ITGBL1: variants seen among roughly 807,000 people sequenced by gnomAD.
The protein encoded by ITGBL1 is integrin beta-like protein 1.
In ITGBL1, 51 loss-of-function variants were observed where a neutral mutation model predicts 68.5. That is an observed-to-expected ratio of 0.74 (90% CI 0.59 to 0.94). The LOEUF (loss-of-function observed/expected upper bound fraction) is 0.94, where lower values mean the gene tolerates loss of function less well. Among genes scored for constraint, ITGBL1 ranks in the 40% least tolerant of loss-of-function variants. The probability of loss-of-function intolerance (pLI) is 0.00; values close to 1 mark genes in which losing one functional copy is unlikely to be tolerated. For synonymous variants in ITGBL1, 209 were observed against 227.3 expected (o/e 0.92, Z 0.72); for missense variants, 649 against 647.4 (o/e 1.00, Z -0.03).
At position 101,567,750 on chromosome 13, in the gene ITGBL1, G is replaced by C. The variant is rs1168673206; in HGVS notation, c.368G>C (p.Gly123Ala). The C allele has an allele frequency of 4.3e-6, 7 of 1,613,260 alleles. No individual in the cohort carries two copies. Among genetic ancestry groups the C allele is most frequent in the Non-Finnish European group, 5.9e-6 (7 of 1,179,544 alleles). Reference protein sequence around the residue: ...GKCKCDQGWYGDACQYPTNCD... With the variant: ...GKCKCDQGWYADACQYPTNCD... ...TGCAAGTGTGACCAGGGATGGTATG[G>C]GGATGCTTGCCAGTACCCAACTAAC... is the stretch of plus-strand genomic sequence containing the variant. Residue 123 changes from glycine to alanine, a missense_variant, in exon 3 of 11, where the codon GGG (glycine) becomes GCG (alanine). Transcript: ENST00000376180.
At chr13:101,484,638 G>T (rs2048675005) in intron 2 of ITGBL1, among the ~76,000 whole-genome samples, 1 of 152,074 alleles carries the variant, frequency 6.6e-6, no homozygotes, top group African/African-American at 2.4e-5. Context: ...TTTGCTACAT[G>T]AATATGTTGT....
chr13:101,651,271 A>C (rs1231646948), intron 7 of ITGBL1, among the ~76,000 whole-genome samples: 1 of 152,234 alleles, frequency 6.6e-6, no homozygotes, highest in Non-Finnish European at 1.5e-5. Context: ...CCAACAGCGT[A>C]AAAGCATTCC....
At chr13:101,493,037 T>C (rs1387466490) in intron 2 of ITGBL1, among the ~76,000 whole-genome samples, 1 of 152,194 alleles carries the variant, frequency 6.6e-6, no homozygotes, top group Non-Finnish European at 1.5e-5. Context: ...ACAAAGTTTA[T>C]TGTGTAGATA....
chr13:101,665,327 A>G (rs2033188381), intron 7 of ITGBL1, among the ~76,000 whole-genome samples: 1 of 152,082 alleles, frequency 6.6e-6, no homozygotes, highest in Non-Finnish European at 1.5e-5. Flanking sequence ...GTAGTTTTCT[A>G]TAAAGAGGTC....
chr13:101,564,559 T>A (rs531087680), intron 2 of ITGBL1, among the ~76,000 whole-genome samples: 3 of 150,456 alleles, frequency 2.0e-5, no homozygotes, highest in South Asian at 4.2e-4. Context: ...TATAACAATA[T>A]ATAACAATTT....
At position 101,589,833 on chromosome 13, in the gene ITGBL1, C is replaced by T. The variant is rs16959148; in HGVS notation, c.868+6477C>T. Among the ~76,000 whole-genome samples the T allele has an allele frequency of 9.1e-3, 1,379 of 152,238 alleles. 22 individuals are homozygous for T. The highest frequency in any genetic ancestry group is 0.031 in the African/African-American group (1,303 of 41,548). On this transcript the variant is annotated intron_variant, in intron 6 of 10. Transcript: ENST00000376180. ...TGGAGGTGAAGCACGCATTTAGAAG[C>T]ATGATCCTGGAGAATGTTCATGATG... is the stretch of plus-strand genomic sequence containing the variant.
intron 2 of ITGBL1, among the ~76,000 whole-genome samples, chr13:101,554,438 G>T (rs892954345): frequency 6.6e-6 from 1 of 152,178 alleles, no homozygotes; most frequent in African/African-American, 2.4e-5. Context: ...TGTCTTACAC[G>T]ATGACATCTG....
intron 7 of ITGBL1, among the ~76,000 whole-genome samples, chr13:101,659,150 C>T (rs1594961068): frequency 6.9e-6 from 1 of 144,574 alleles, no homozygotes; most frequent in African/African-American, 2.4e-5. Context: ...ACCTCTGCCT[C>T]CCATGTTCAA....
At chr13:101,481,210 A>G (rs1365148924) in intron 2 of ITGBL1, among the ~76,000 whole-genome samples, 1 of 151,252 alleles carries the variant, frequency 6.6e-6, no homozygotes. Context: ...GAGACTGTGA[A>G]CGCCCTTGGC....
At chr13:101,562,899 A>T (rs2050123193) in intron 2 of ITGBL1, among the ~76,000 whole-genome samples, 1 of 151,938 alleles carries the variant, frequency 6.6e-6, no homozygotes, top group East Asian at 1.9e-4. Context: ...CTTCTGGGTC[A>T]TAATAGAAGC....
chr13:101,571,292 G>T (rs1227026028), intron 3 of ITGBL1, among the ~76,000 whole-genome samples: 1 of 152,030 alleles, frequency 6.6e-6, no homozygotes, highest in African/African-American at 2.4e-5. Context: ...ATTAGGATTT[G>T]CAGTCCACCC....
At chr13:101,657,577 T>C (rs4772406) in intron 7 of ITGBL1, among the ~76,000 whole-genome samples, 122,337 of 152,146 alleles carry the variant, frequency 0.8, 49,342 homozygotes, top group East Asian at 0.96. Context: ...TAAATATGCC[T>C]AAACTCTAAT....
intron 8 of ITGBL1, among the ~76,000 whole-genome samples, chr13:101,704,525 A>G (rs2034211888): frequency 6.6e-6 from 1 of 151,438 alleles, no homozygotes; most frequent in African/African-American, 2.4e-5. Flanking sequence ...AATAGAGACA[A>G]AGGAGGAGTG....
At chr13:101,577,464 G>A (rs2050381794) in intron 4 of ITGBL1, among the ~76,000 whole-genome samples, 1 of 152,094 alleles carries the variant, frequency 6.6e-6, no homozygotes. Flanking sequence ...CTGCATAGAC[G>A]TGTATTGTTA....
At chr13:101,608,160 T>G (rs1022215905) in intron 7 of ITGBL1, among the ~76,000 whole-genome samples, 29 of 151,058 alleles carry the variant, frequency 1.9e-4, no homozygotes, top group African/African-American at 6.8e-4. Context: ...TCCTCATTTT[T>G]ATCAATTAGC....
intron 2 of ITGBL1, among the ~76,000 whole-genome samples, chr13:101,482,048 A>G (rs2048632881): frequency 6.6e-6 from 1 of 152,188 alleles, no homozygotes; most frequent in Non-Finnish European, 1.5e-5. Context: ...AGTGGGGGCC[A>G]AAGAAGACAT....
chr13:101,620,247 T>A (rs2031531550), intron 7 of ITGBL1, among the ~76,000 whole-genome samples: 1 of 152,164 alleles, frequency 6.6e-6, no homozygotes, highest in South Asian at 2.1e-4. Context: ...TTGGGAGTCC[T>A]TTTTAATAAA....
intron 2 of ITGBL1, among the ~76,000 whole-genome samples, chr13:101,525,100 G>T (rs1328563838): frequency 6.6e-6 from 1 of 152,062 alleles, no homozygotes; most frequent in Non-Finnish European, 1.5e-5. Flanking sequence ...TCATAAGGGT[G>T]CTCAATGTGT....
At chr13:101,628,437 C>CG in intron 7 of ITGBL1, among the ~76,000 whole-genome samples, 1 of 139,636 alleles carries the variant, frequency 7.2e-6, no homozygotes, top group East Asian at 2.1e-4. Context: ...TTTTCTTTTT[C>CG]TTTTTTTTTT....
Sources: gnomAD v4.1 joint callset for allele counts (sites outside exome capture counted in the v4.1 genomes callset) on GRCh38, gnomAD v4.1.1 for gene constraint, MANE v1.5 for transcripts, NCBI Gene and HGNC (gene_info 2026-07-23, HGNC 2026-07-21) for gene names.